BABAM2: variants seen among roughly 807,000 people sequenced by gnomAD.
BABAM2 encodes BRISC and BRCA1-A complex member 2.
A neutral mutation model predicts 54.7 loss-of-function variants in BABAM2; 31 were observed. That is an observed-to-expected ratio of 0.57 (90% CI 0.43 to 0.77). The LOEUF is 0.77. Among genes scored for constraint, BABAM2 ranks in the 30% least tolerant of loss-of-function variants. The pLI is 0.00. For synonymous variants in BABAM2, 167 were observed against 162.9 expected (o/e 1.03, Z -0.19); for missense variants, 364 against 455.8 (o/e 0.80, Z 1.83).
intron 7 of BABAM2, among the ~76,000 whole-genome samples, chr2:28,156,576 A>G (rs60039280): frequency 0.48 from 72,300 of 151,968 alleles, 17,738 homozygotes; most frequent in Middle Eastern, 0.59. Flanking sequence ...TAAATAAGCT[A>G]TCAGGAGTTA....
intron 11 of BABAM2, among the ~76,000 whole-genome samples, chr2:28,323,861 C>G (rs1227002386): frequency 6.6e-6 from 1 of 152,212 alleles, no homozygotes; most frequent in Non-Finnish European, 1.5e-5. Context: ...CCTTCTTGAA[C>G]TTCTTTTCCT....
At chr2:28,258,335 C>T (rs538782475) in intron 10 of BABAM2, among the ~76,000 whole-genome samples, 9 of 152,164 alleles carry the variant, frequency 5.9e-5, no homozygotes, top group Non-Finnish European at 1.2e-4. Context: ...CGTATTTTAA[C>T]TCAGTAATGT....
At chr2:27,923,495 G>A (rs549068768) in intron 2 of BABAM2, among the ~76,000 whole-genome samples, 40 of 152,110 alleles carry the variant, frequency 2.6e-4, no homozygotes, top group African/African-American at 8.9e-4. Flanking sequence ...TGGTGCACCT[G>A]TAGTCCCAGC....
At chr2:28,055,443 T>G (rs1243173578) in intron 6 of BABAM2, among the ~76,000 whole-genome samples, 2 of 152,188 alleles carry the variant, frequency 1.3e-5, no homozygotes, top group Admixed American at 1.3e-4. Context: ...AAAATTTCAT[T>G]GAAATTATGA....
intron 1 of BABAM2, among the ~76,000 whole-genome samples, chr2:27,892,635 TA>T (rs1664955373): frequency 6.6e-6 from 1 of 152,196 alleles, no homozygotes; most frequent in Non-Finnish European, 1.5e-5. Flanking sequence ...TAATTACCCA[TA>T]TTATCTGCAA....
At chr2:28,150,711 A>G (rs79635514) in intron 7 of BABAM2, among the ~76,000 whole-genome samples, 3,232 of 152,256 alleles carry the variant, frequency 0.021, 41 homozygotes, top group Non-Finnish European at 0.03. Flanking sequence ...CAGTGAAGTC[A>G]GGACTTCTGT....
chr2:28,101,619 C>T lies in BABAM2; in HGVS notation c.571-27652C>T, dbSNP rs80259585. ...GTCCATGTGGGGAACCTGCAGACCT[C>T]CTAACATGCCCCATATAGTAAGCCA... On this transcript the variant is annotated intron_variant, in intron 6 of 11. Coordinates refer to ENST00000379624, the MANE Select transcript of BABAM2 (RefSeq NM_199191.3). Among the ~76,000 whole-genome samples the T allele has an allele frequency of 1.2e-3, 181 of 152,280 alleles. 3 individuals are homozygous for T. The East Asian group carries it at 0.026, about 22-fold the overall frequency.
intron 5 of BABAM2, among the ~76,000 whole-genome samples, chr2:28,029,425 G>A (rs1226714257): frequency 6.6e-6 from 1 of 152,132 alleles, no homozygotes; most frequent in Admixed American, 6.5e-5. Flanking sequence ...GACTCCTTTA[G>A]ATACTTCATA....
chr2:27,894,762 C>T, intron 2 of BABAM2, 78 bp downstream of exon 2: 1 of 1,549,846 alleles, frequency 6.5e-7, no homozygotes, highest in Non-Finnish European at 8.8e-7. Flanking sequence ...CCTTACCAGA[C>T]TCATAAAAAT....
In BABAM2 at chr2:28,338,687, GGT is replaced by G; in HGVS notation, c.*176_*177del. On this transcript the variant is annotated 3_prime_UTR_variant, in exon 12 of 12. Transcript: ENST00000379624. The stretch of plus-strand genomic sequence containing the variant: ...TGCTGAAATCCAACTTGAGCTGGCT[GGT>G]GGTCCCTGGATCCTAGAGCCCTTCA... The G allele has an allele frequency of 1.5e-6, 1 of 659,422 alleles. No homozygotes were observed. Among genetic ancestry groups the G allele is most frequent in the East Asian group, 2.8e-5 (1 of 35,890 alleles). 40.8% of individuals were successfully genotyped at this position (659,422 alleles called of 1,614,324 possible). A position where few individuals can be genotyped will look rare whatever the true frequency, so the allele number is the denominator to read the frequency against.
intron 6 of BABAM2, among the ~76,000 whole-genome samples, chr2:28,051,040 T>C (rs1027429992): frequency 6.6e-6 from 1 of 152,230 alleles, no homozygotes; most frequent in African/African-American, 2.4e-5. Context: ...AATCCCCTTA[T>C]AACTGGGTTA....
At chr2:28,060,530 T>C (rs1002336800) in intron 6 of BABAM2, among the ~76,000 whole-genome samples, 4 of 151,924 alleles carry the variant, frequency 2.6e-5, no homozygotes, top group African/African-American at 9.7e-5. Context: ...ACATTTAGAG[T>C]AGAAAGGAAG....
At chr2:28,105,599 T>C (rs951680983) in intron 6 of BABAM2, among the ~76,000 whole-genome samples, 4 of 152,192 alleles carry the variant, frequency 2.6e-5, no homozygotes, top group African/African-American at 9.7e-5. Context: ...ATCTTCAAAA[T>C]AGAAATAATA....
chr2:28,111,549 C>T (rs1298853530), intron 6 of BABAM2, among the ~76,000 whole-genome samples: 2 of 152,096 alleles, frequency 1.3e-5, no homozygotes, highest in Non-Finnish European at 2.9e-5. Context: ...ATTCTTAAAT[C>T]CTAAACTTTG....
chr2:27,983,175 TA>T (rs1357507446), intron 3 of BABAM2, among the ~76,000 whole-genome samples: 1 of 152,086 alleles, frequency 6.6e-6, no homozygotes, highest in East Asian at 1.9e-4. Flanking sequence ...CCACCCTTGT[TA>T]TTTTTTTGTT....
chr2:28,020,219 T>C (rs1313248502), intron 4 of BABAM2, among the ~76,000 whole-genome samples: 1 of 152,122 alleles, frequency 6.6e-6, no homozygotes, highest in East Asian at 1.9e-4. Flanking sequence ...ACAATTGGAG[T>C]CTGACGTCAT....
chr2:28,017,390 AT>A (rs1226503875), intron 4 of BABAM2, among the ~76,000 whole-genome samples: 1 of 152,076 alleles, frequency 6.6e-6, no homozygotes, highest in Non-Finnish European at 1.5e-5. Flanking sequence ...CATTTATTTT[AT>A]TTTTTTCTGC....
chr2:28,282,474 A>G (rs1371472135), intron 10 of BABAM2, among the ~76,000 whole-genome samples: 4 of 152,138 alleles, frequency 2.6e-5, no homozygotes, highest in African/African-American at 9.7e-5. Context: ...ACAATGTCAG[A>G]AACAAGCAGT....
intron 7 of BABAM2, among the ~76,000 whole-genome samples, chr2:28,138,947 C>T (rs1670778203): frequency 6.6e-6 from 1 of 152,134 alleles, no homozygotes; most frequent in Non-Finnish European, 1.5e-5. Flanking sequence ...CTTTATGCCT[C>T]TTTACAGGAC....
Sources: allele counts gnomAD v4.1 joint callset (sites outside exome capture counted in the v4.1 genomes callset), GRCh38; gene constraint gnomAD v4.1.1; transcripts MANE v1.5; gene names NCBI Gene and HGNC (gene_info 2026-07-23, HGNC 2026-07-21).